OXR1: variants seen among roughly 807,000 people sequenced by gnomAD.
The protein encoded by OXR1 is oxidation resistance 1, also known as oxidation resistance protein 1.
In OXR1, 41 loss-of-function variants were observed where a neutral mutation model predicts 104.6. The ratio of observed to expected loss-of-function variants is 0.39; its 90% CI spans 0.31 to 0.51. The LOEUF (loss-of-function observed/expected upper bound fraction) is 0.51, where lower values mean the gene tolerates loss of function less well. OXR1 is among the 20% of genes least tolerant of loss of function. OXR1 has a pLI of 0.77. For missense variants in OXR1, 955 were observed against 1,031.9 expected (o/e 0.93, Z 1.02); for synonymous variants, 348 against 348.4 (o/e 1.00, Z 0.01).
intron 1 of OXR1, among the ~76,000 whole-genome samples, chr8:106,346,866 C>T (rs1383436971): frequency 2.0e-5 from 3 of 152,060 alleles, no homozygotes; most frequent in Non-Finnish European, 4.4e-5. Context: ...GGTGAAACCC[C>T]GTCTCTACTA....
At chr8:106,318,015 G>T (rs1157924524) in intron 1 of OXR1, among the ~76,000 whole-genome samples, 4 of 152,068 alleles carry the variant, frequency 2.6e-5, no homozygotes, top group African/African-American at 9.7e-5. Context: ...TATTCCTAAT[G>T]ACCATGACAG....
At chr8:106,282,121 G>T (rs554043713) in intron 1 of OXR1, among the ~76,000 whole-genome samples, 4 of 152,148 alleles carry the variant, frequency 2.6e-5, no homozygotes, top group African/African-American at 7.2e-5. Context: ...AAAATAGGTG[G>T]TTTTAACCTG....
At chr8:106,695,185 A>T (rs2131314306) in intron 7 of OXR1, among the ~76,000 whole-genome samples, 1 of 151,204 alleles carries the variant, frequency 6.6e-6, no homozygotes, top group South Asian at 2.1e-4. Flanking sequence ...AATAATTTTT[A>T]AAATAAGGGT....
chr8:106,466,240 G>C (rs1821163596), intron 2 of OXR1, among the ~76,000 whole-genome samples: 1 of 151,812 alleles, frequency 6.6e-6, no homozygotes, highest in African/African-American at 2.4e-5. Flanking sequence ...ATTTGTCATT[G>C]TTTCATGAAA....
intron 1 of OXR1, among the ~76,000 whole-genome samples, chr8:106,329,350 C>CTTTT (rs773206309): frequency 1.0e-4 from 14 of 137,750 alleles, no homozygotes; most frequent in Admixed American, 2.2e-4. Flanking sequence ...CTCATTGACA[C>CTTTT]TTTTTTTTTT....
At chr8:106,274,794 A>C (rs549743187) in intron 1 of OXR1, among the ~76,000 whole-genome samples, 1 of 152,184 alleles carries the variant, frequency 6.6e-6, no homozygotes, top group East Asian at 1.9e-4. Flanking sequence ...TATTCTTGCT[A>C]TTAGAGAGGC....
At chr8:106,577,937 C>A (rs960634995) in intron 3 of OXR1, among the ~76,000 whole-genome samples, 1 of 152,116 alleles carries the variant, frequency 6.6e-6, no homozygotes, top group African/African-American at 2.4e-5. Flanking sequence ...ATTCAGTTTG[C>A]AGTTTTTCTA....
intron 2 of OXR1, among the ~76,000 whole-genome samples, chr8:106,404,909 G>T (rs753965577): frequency 6.6e-6 from 1 of 151,824 alleles, no homozygotes; most frequent in Admixed American, 6.6e-5. Flanking sequence ...GTTTCACCAC[G>T]TTAACCTGGA....
At chr8:106,715,707 G>C (rs1038060798) in intron 11 of OXR1, among the ~76,000 whole-genome samples, 4 of 152,038 alleles carry the variant, frequency 2.6e-5, no homozygotes, top group African/African-American at 4.8e-5. Flanking sequence ...AGTCATGAAC[G>C]GGAATTGAGA....
chr8:106,738,315 CT>C (rs1177777338), intron 12 of OXR1, among the ~76,000 whole-genome samples: 3 of 151,568 alleles, frequency 2.0e-5, no homozygotes, highest in African/African-American at 7.3e-5. Flanking sequence ...GTTTCTTTTT[CT>C]TTTTCTTTTT....
chr8:106,525,343 A>G (rs1261138338), intron 3 of OXR1, among the ~76,000 whole-genome samples: 2 of 152,212 alleles, frequency 1.3e-5, no homozygotes, highest in African/African-American at 4.8e-5. Flanking sequence ...GTCTAAGGTC[A>G]CAGCTTCCCC....
In OXR1 at chr8:106,319,000, A is replaced by T. The variant is rs557870219; in HGVS notation, c.-138-40476A>T. 3.4e-4 allele frequency among the ~76,000 whole-genome samples: 52 copies of T among 152,338 alleles called. 1 individual carries two copies. The South Asian group carries it at 5.2e-3, about 15-fold the overall frequency. The stretch of plus-strand genomic sequence containing the variant: ...AGTGGATGGACTATTTGAATAGTTG[A>T]TATTTCTAATTAGCTTGTGTATTCC... On this transcript the variant is annotated intron_variant, in intron 1 of 16. Transcript: ENST00000517566.
intron 2 of OXR1, among the ~76,000 whole-genome samples, chr8:106,481,780 G>A (rs1822131653): frequency 6.6e-6 from 1 of 151,938 alleles, no homozygotes; most frequent in Non-Finnish European, 1.5e-5. Context: ...TTCCTACTAG[G>A]TCGATATTGT....
At chr8:106,315,686 A>G (rs1221149421) in intron 1 of OXR1, among the ~76,000 whole-genome samples, 1 of 152,208 alleles carries the variant, frequency 6.6e-6, no homozygotes, top group Non-Finnish European at 1.5e-5. Context: ...GTTGAAATCT[A>G]TTACATATGA....
intron 3 of OXR1, among the ~76,000 whole-genome samples, chr8:106,616,031 T>TC (rs1821194872): frequency 3.0e-3 from 1 of 338 alleles, no homozygotes; most frequent in African/African-American, 0.01. Context: ...AAACACCTTC[T>TC]TTTTTTTTTT....
intron 1 of OXR1, among the ~76,000 whole-genome samples, chr8:106,297,875 AG>A (rs1813065549): frequency 6.6e-6 from 1 of 152,224 alleles, no homozygotes; most frequent in African/African-American, 2.4e-5. Flanking sequence ...ATGAACAAAA[AG>A]TGGTGAGGGG....
intron 2 of OXR1, among the ~76,000 whole-genome samples, chr8:106,431,592 G>A (rs926338268): frequency 2.0e-5 from 3 of 152,066 alleles, no homozygotes; most frequent in East Asian, 1.9e-4. Context: ...ATTATGTTAC[G>A]TATCTATTCG....
chr8:106,561,124 T>G (rs1416044212), intron 3 of OXR1, among the ~76,000 whole-genome samples: 1 of 152,030 alleles, frequency 6.6e-6, no homozygotes, highest in Non-Finnish European at 1.5e-5. Flanking sequence ...AGTTTTTTTT[T>G]CATACCTCAG....
intron 3 of OXR1, among the ~76,000 whole-genome samples, chr8:106,639,338 A>G (rs1030778068): frequency 6.6e-6 from 1 of 152,226 alleles, no homozygotes; most frequent in African/African-American, 2.4e-5. Flanking sequence ...AACAATTGCC[A>G]TTAAACAATG....
Sources: allele counts gnomAD v4.1 joint callset (sites outside exome capture counted in the v4.1 genomes callset), GRCh38; gene constraint gnomAD v4.1.1; transcripts MANE v1.5; gene names NCBI Gene and HGNC (gene_info 2026-07-23, HGNC 2026-07-21).